Variants in CNTN1 observed in about 807,000 individuals in gnomAD.
CNTN1 encodes contactin 1.
CNTN1 carries 38 observed loss-of-function variants against 126.4 expected under a neutral mutation model. That is an observed-to-expected ratio of 0.30 (90% CI 0.23 to 0.39). CNTN1 has a LOEUF of 0.39. Among genes scored for constraint, CNTN1 ranks in the 10% least tolerant of loss-of-function variants. The pLI is 1.00. For missense variants in CNTN1, 1,009 were observed against 1,248.4 expected, an observed-to-expected ratio of 0.81 and a Z score of 2.89; for synonymous variants, 413 against 422.6, an observed-to-expected ratio of 0.98 and a Z score of 0.28.
At chr12:40,934,338 G>C (rs1946006186) in intron 9 of CNTN1, among the ~76,000 whole-genome samples, 1 of 151,864 alleles carries the variant, frequency 6.6e-6, no homozygotes, top group African/African-American at 2.4e-5. Context: ...TCTGTTAGGG[G>C]CTCATGAATT....
Position 40,981,008 on chromosome 12 carries a change from C to A in CNTN1, c.1904C>A (p.Ser635Tyr). 2 of 1,613,592 alleles carry A rather than the reference C, an allele frequency of 1.2e-6. No homozygotes were observed. Among genetic ancestry groups the A allele is most frequent in the Non-Finnish European group, 1.7e-6 (2 of 1,179,688 alleles). The change falls in exon 16 of 24, where the codon TCT becomes TAT. Residue 635 changes from serine to tyrosine, a missense_variant. By Grantham distance (144) the Ser-to-Tyr change is moderately radical. Transcript: ENST00000551295. Reference sequence around the variant, plus strand: ...GGTTCAGACAATCATAGTCCTATTTCTAAATACACTATCCAGACCAAGACT... The same window carrying A: ...GGTTCAGACAATCATAGTCCTATTTATAAATACACTATCCAGACCAAGACT... ...SRGSDNHSPI[S>Y]KYTIQTKTIL...
At chr12:40,750,182 G>GA (rs1455165563) in intron 1 of CNTN1, among the ~76,000 whole-genome samples, 33 of 152,154 alleles carry the variant, frequency 2.2e-4, no homozygotes, top group African/African-American at 7.9e-4. Flanking sequence ...ATGAGGATGT[G>GA]GGATCTAGGA....
intron 3 of CNTN1, among the ~76,000 whole-genome samples, chr12:40,911,237 C>T (rs1417028882): frequency 3.3e-5 from 5 of 152,086 alleles, no homozygotes; most frequent in Non-Finnish European, 7.4e-5. Context: ...CCCGCAACCA[C>T]GCCCGGCTAA....
At chr12:40,708,683 T>C (rs1389221026) in intron 1 of CNTN1, among the ~76,000 whole-genome samples, 1 of 152,236 alleles carries the variant, frequency 6.6e-6, no homozygotes, top group African/African-American at 2.4e-5. Context: ...TTGCTACTGC[T>C]TTATTCACTG....
rs199617690 is a variant in CNTN1, at chr12:41,016,914, A to G, written c.2417A>G (p.Asp806Gly). 1.6e-5 allele frequency: 25 copies of G among 1,612,580 alleles called. No individual in the cohort carries two copies. The highest frequency in any genetic ancestry group is 2.0e-5 in the Non-Finnish European group (24 of 1,178,604). Residue 806 changes from aspartate to glycine, a missense_variant and splice_region_variant, in exon 19 of 24, where the codon GAC (aspartate) becomes GGC (glycine). Asp to Gly is a moderately conservative substitution (Grantham distance 94). Coordinates refer to ENST00000551295, the MANE Select transcript of CNTN1 (RefSeq NM_001843.4). ...GTAGCAGTCATTAATTCAGCACAAG[A>G]CGGTAGGTGAAAGAAAGACCTTCTT... ...SLVAVINSAQ[D>G]APSEAPTEVG...
chr12:40,924,364 A>G (rs1018768776), intron 5 of CNTN1, among the ~76,000 whole-genome samples, 193 bp from the exon 6 acceptor site: 10 of 152,142 alleles, frequency 6.6e-5, no homozygotes, highest in Admixed American at 6.6e-4. Context: ...TGAGCTCATA[A>G]CAGAACTTTT....
chr12:40,840,103 A>G (rs949265206), intron 1 of CNTN1, among the ~76,000 whole-genome samples: 9 of 152,020 alleles, frequency 5.9e-5, no homozygotes, highest in Middle Eastern at 3.4e-3. Context: ...TAAGAAACTC[A>G]CCTTACCAGT....
At chr12:41,012,522 T>C (rs1018804189) in intron 17 of CNTN1, among the ~76,000 whole-genome samples, 3 of 152,146 alleles carry the variant, frequency 2.0e-5, no homozygotes, top group African/African-American at 7.2e-5. Flanking sequence ...CAGTAGCCTT[T>C]GGATAACACC....
intron 1 of CNTN1, among the ~76,000 whole-genome samples, chr12:40,787,803 A>G (rs1249774719): frequency 2.0e-5 from 3 of 152,176 alleles, no homozygotes; most frequent in Non-Finnish European, 4.4e-5. Flanking sequence ...GATGAATTTC[A>G]TTGTGTGATT....
chr12:40,769,504 A>G (rs1402888801), intron 1 of CNTN1, among the ~76,000 whole-genome samples: 2 of 152,210 alleles, frequency 1.3e-5, no homozygotes, highest in African/African-American at 4.8e-5. Context: ...TTGGTGTTTA[A>G]TGATATTTAT....
intron 14 of CNTN1, among the ~76,000 whole-genome samples, chr12:40,954,775 A>G (rs1946813050): frequency 6.6e-6 from 1 of 152,076 alleles, no homozygotes; most frequent in Non-Finnish European, 1.5e-5. Flanking sequence ...CACACAGGGC[A>G]GAGTCAAGAA....
At chr12:40,963,497 A>G (rs930484350) in intron 15 of CNTN1, among the ~76,000 whole-genome samples, 3 of 152,040 alleles carry the variant, frequency 2.0e-5, no homozygotes, top group Non-Finnish European at 4.4e-5. Flanking sequence ...ATCACTATAG[A>G]TTACTTAATA....
At chr12:40,852,464 A>G (rs1942755300) in intron 1 of CNTN1, among the ~76,000 whole-genome samples, 1 of 152,042 alleles carries the variant, frequency 6.6e-6, no homozygotes, top group South Asian at 2.1e-4. Flanking sequence ...GCTCTTTACC[A>G]GATTTCCTAC....
At chr12:40,859,313 T>C (rs571113419) in intron 1 of CNTN1, among the ~76,000 whole-genome samples, 48 of 152,128 alleles carry the variant, frequency 3.2e-4, no homozygotes, top group Admixed American at 5.2e-4. Flanking sequence ...CTATGGACTT[T>C]AGTTAATAAA....
chr12:41,057,930 G>A (rs998392067), intron 23 of CNTN1, among the ~76,000 whole-genome samples: 6 of 152,180 alleles, frequency 3.9e-5, no homozygotes, highest in South Asian at 4.1e-4. Context: ...TATTACAGGC[G>A]AGGAAGAAAA....
intron 16 of CNTN1, among the ~76,000 whole-genome samples, chr12:40,987,835 A>G (rs1000874294): frequency 6.6e-6 from 1 of 152,066 alleles, no homozygotes; most frequent in Non-Finnish European, 1.5e-5. Flanking sequence ...TTTTATTCCC[A>G]TCATCAGTAT....
chr12:40,736,373 T>G (rs966226738), intron 1 of CNTN1, among the ~76,000 whole-genome samples: 1 of 151,830 alleles, frequency 6.6e-6, no homozygotes, highest in Non-Finnish European at 1.5e-5. Flanking sequence ...ATCTTAATAA[T>G]ATAAGTATAA....
At chr12:41,022,338 T>C (rs921089011) in intron 20 of CNTN1, among the ~76,000 whole-genome samples, 1 of 152,214 alleles carries the variant, frequency 6.6e-6, no homozygotes, top group Non-Finnish European at 1.5e-5. Context: ...GGAGTTGGTT[T>C]CACAGATGTC....
intron 15 of CNTN1, chr12:40,971,581 C>T (rs1351807835): frequency 2.7e-5 from 41 of 1,538,034 alleles, no homozygotes; most frequent in Non-Finnish European, 3.3e-5. Flanking sequence ...ATTTGACTAA[C>T]TCAATCTTGT....
Sources: allele counts gnomAD v4.1 joint callset (sites outside exome capture counted in the v4.1 genomes callset), GRCh38; gene constraint gnomAD v4.1.1; transcripts MANE v1.5; gene names NCBI Gene and HGNC (gene_info 2026-07-23, HGNC 2026-07-21).